AMMECR1: variants seen among roughly 807,000 people sequenced by gnomAD.
AMMECR1 encodes AMMECR nuclear protein 1, also known as nuclear protein AMMECR1.
AMMECR1 carries 3 observed loss-of-function variants against 22.5 expected under a neutral mutation model. The ratio of observed to expected loss-of-function variants is 0.13; its 90% CI spans 0.06 to 0.35. The LOEUF is 0.35. AMMECR1 is among the 10% of genes least tolerant of loss of function. The pLI, the probability that AMMECR1 is intolerant of heterozygous loss-of-function variation, is 1.00. For synonymous variants in AMMECR1, 130 were observed against 116.7 expected (o/e 1.11, Z -0.74); for missense variants, 235 against 278.7 (o/e 0.84, Z 1.12).
At chrX:110,217,542 G>C (rs775523246) in intron 2 of AMMECR1, among the ~76,000 whole-genome samples, 1 of 98,585 alleles carries the variant, frequency 1.0e-5, no homozygotes. Context: ...CACACACACA[G>C]TGTGTGTTCC....
intron 3 of AMMECR1, among the ~76,000 whole-genome samples, chrX:110,212,283 G>A (rs746807544): frequency 8.9e-6 from 1 of 111,745 alleles, no homozygotes; most frequent in Non-Finnish European, 1.9e-5. Context: ...ACCACTGATC[G>A]TGGTCACGTT....
chrX:110,286,533 A>G (rs989120908), intron 1 of AMMECR1, among the ~76,000 whole-genome samples: 1 of 108,385 alleles, frequency 9.2e-6, no homozygotes, highest in South Asian at 4.3e-4. Flanking sequence ...TTAGCCAGGC[A>G]TGGTGTTGTG....
intron 2 of AMMECR1, among the ~76,000 whole-genome samples, chrX:110,409,388 T>A (rs1433234167): frequency 9.0e-6 from 1 of 111,534 alleles, no homozygotes; most frequent in Non-Finnish European, 1.9e-5. Context: ...TGAAGAGAGT[T>A]GTGTTTACAT....
chrX:110,393,783 G>A (rs2068510663), intron 2 of AMMECR1, among the ~76,000 whole-genome samples: 1 of 112,618 alleles, frequency 8.9e-6, no homozygotes, highest in South Asian at 3.7e-4. Context: ...ACAGGATGGC[G>A]TCCTGACCAG....
chrX:110,267,398 A>T (rs1304773248), intron 1 of AMMECR1, among the ~76,000 whole-genome samples: 1 of 107,825 alleles, frequency 9.3e-6, no homozygotes, highest in Non-Finnish European at 1.9e-5. Context: ...TTTTTTTTTA[A>T]AAAAAAAAAA....
intron 2 of AMMECR1, among the ~76,000 whole-genome samples, chrX:110,334,477 A>G (rs2068133236): frequency 8.9e-6 from 1 of 112,261 alleles, no homozygotes; most frequent in African/African-American, 3.2e-5. Flanking sequence ...AATCAGTGTG[A>G]AAAAGAAACC....
chrX:110,212,979 A>G (rs763427863), intron 3 of AMMECR1, among the ~76,000 whole-genome samples: 16 of 112,132 alleles, frequency 1.4e-4, no homozygotes, highest in Non-Finnish European at 2.6e-4. Context: ...AGAATGGTGT[A>G]ATTATAAATG....
chrX:110,238,067 A>G (rs2067610675), intron 2 of AMMECR1, among the ~76,000 whole-genome samples: 1 of 112,080 alleles, frequency 8.9e-6, no homozygotes, highest in Non-Finnish European at 1.9e-5. Flanking sequence ...CATCATAATT[A>G]CAAATCTTTT....
chrX:110,386,326 T>A (rs865961197), intron 2 of AMMECR1, among the ~76,000 whole-genome samples: 28 of 109,838 alleles, frequency 2.5e-4, no homozygotes, highest in African/African-American at 8.8e-4. Context: ...TTTATTAAAT[T>A]ATTATTTTTA....
intron 2 of AMMECR1, among the ~76,000 whole-genome samples, chrX:110,412,507 C>T (rs909258775): frequency 1.8e-5 from 2 of 111,877 alleles, no homozygotes; most frequent in Non-Finnish European, 3.8e-5. Context: ...TGTGTGACTT[C>T]GACCAAGTTT....
chrX:110,250,276 T>A (rs1307027996), intron 2 of AMMECR1, among the ~76,000 whole-genome samples: 3 of 112,045 alleles, frequency 2.7e-5, no homozygotes, highest in African/African-American at 9.7e-5. Flanking sequence ...TCAGGAGACC[T>A]GTGTTCTAAC....
At chrX:110,228,749 T>C (rs1457818336) in intron 2 of AMMECR1, among the ~76,000 whole-genome samples, 3 of 111,057 alleles carry the variant, frequency 2.7e-5, no homozygotes, top group Non-Finnish European at 5.7e-5. Context: ...TCTTAACTAT[T>C]GTCTTCCTCT....
intron 2 of AMMECR1, among the ~76,000 whole-genome samples, chrX:110,407,196 C>T (rs1602977524): frequency 1.8e-5 from 2 of 111,866 alleles, no homozygotes; most frequent in East Asian, 2.8e-4. Context: ...CTGGTTTGCT[C>T]AATGCTACAT....
chrX:110,412,462 C>A (rs1393977668), intron 2 of AMMECR1, among the ~76,000 whole-genome samples: 1 of 112,168 alleles, frequency 8.9e-6, no homozygotes, highest in Non-Finnish European at 1.9e-5. Context: ...GGTTAGACTG[C>A]CTAGGTTTGA....
chrX:110,384,841 G>T (rs1263217207), intron 2 of AMMECR1, among the ~76,000 whole-genome samples: 1 of 110,720 alleles, frequency 9.0e-6, no homozygotes, highest in East Asian at 2.8e-4. Flanking sequence ...GCAGAATAAA[G>T]AGGTGCAAAA....
intron 1 of AMMECR1, among the ~76,000 whole-genome samples, chrX:110,296,871 G>C (rs1228171524): frequency 1.8e-5 from 2 of 110,582 alleles, no homozygotes; most frequent in Non-Finnish European, 3.8e-5. Context: ...GGCTTCCTCA[G>C]TGACAGTTTT....
intron 1 of AMMECR1, among the ~76,000 whole-genome samples, chrX:110,298,850 A>T (rs2067951160): frequency 8.9e-6 from 1 of 111,967 alleles, no homozygotes; most frequent in African/African-American, 3.2e-5. Context: ...TACATATTTT[A>T]AAAAACAGCA....
intron 2 of AMMECR1, among the ~76,000 whole-genome samples, chrX:110,261,268 GTCTA>G (rs2067739996): frequency 1.8e-5 from 2 of 111,896 alleles, no homozygotes; most frequent in South Asian, 3.7e-4. Flanking sequence ...TCAAACAATA[GTCTA>G]TCTAATCACA....
chrX:110,318,274 G>C, upstream of AMMECR1: 1 of 132,230 alleles, frequency 7.6e-6, no homozygotes, highest in Non-Finnish European at 1.4e-5. Context: ...CGCTTTCGCG[G>C]CTGGGCGCCT....
Sources: gnomAD v4.1 joint callset for allele counts (sites outside exome capture counted in the v4.1 genomes callset) on GRCh38, gnomAD v4.1.1 for gene constraint, MANE v1.5 for transcripts, NCBI Gene and HGNC (gene_info 2026-07-23, HGNC 2026-07-21) for gene names.